PABPC4L: variants seen among roughly 807,000 people sequenced by gnomAD.
PABPC4L encodes the protein polyadenylate-binding protein 4-like.
For synonymous variants in PABPC4L, 169 were observed against 164.1 expected (o/e 1.03, Z -0.23); for missense variants, 452 against 451.4 (o/e 1.00, Z -0.01).
At position 134,197,427 on chromosome 4, in the gene PABPC4L, T is replaced by C. The variant is rs1729696527; in HGVS notation, c.*2480A>G. 1 of 151,706 alleles carries C rather than the reference T, an allele frequency of 6.6e-6. No individual in the cohort carries two copies. Among genetic ancestry groups the C allele is most frequent in the African/African-American group, 2.4e-5 (1 of 41,420 alleles). The allele number at this position is 151,706 out of a possible 1,614,324, so 9.4% of individuals were successfully genotyped here. A position where few individuals can be genotyped will look rare whatever the true frequency, so the allele number is the denominator to read the frequency against. Reference sequence around the variant, plus strand: ...GTATATATATTTGTGTGAATATATGTATTTAAAGTGTTCAAAATATTTTGA... The same window carrying C: ...GTATATATATTTGTGTGAATATATGCATTTAAAGTGTTCAAAATATTTTGA... On this transcript the variant is annotated 3_prime_UTR_variant, in exon 2 of 2. Transcript: ENST00000421491.
In PABPC4L at chr4:134,199,839, T is replaced by G. The variant is rs79763420; in HGVS notation, c.*68A>C. 649 of 1,509,504 alleles carry G rather than the reference T, an allele frequency of 4.3e-4. 4 individuals are homozygous for G. The East Asian group carries it at 0.015, about 34-fold the overall frequency. The allele number at this position is 1,509,504 out of a possible 1,614,324, so 93.5% of individuals were successfully genotyped here. A position where few individuals can be genotyped will look rare whatever the true frequency, so the allele number is the denominator to read the frequency against. ...GAATATGAAATTTACTGAGGTCAAT[T>G]CAGGCAGAGATCACTATCATTCTCC... On this transcript the variant is annotated 3_prime_UTR_variant, in exon 2 of 2. Coordinates refer to ENST00000421491, the MANE Select transcript of PABPC4L (RefSeq NM_001114734.2).
the PABPC4L span, among the ~76,000 whole-genome samples, chr4:134,139,215 GA>G: frequency 6.6e-6 from 1 of 151,880 alleles, no homozygotes; most frequent in Non-Finnish European, 1.5e-5. Context: ...CCCTAACCTT[GA>G]AGTGATATGT....
chr4:134,166,744 C>A, the PABPC4L span, among the ~76,000 whole-genome samples: 1 of 152,328 alleles, frequency 6.6e-6, no homozygotes, highest in South Asian at 2.1e-4. Context: ...CCTTCCTATT[C>A]ATTCCAGAGG....
chr4:134,101,543 GA>G, the PABPC4L span, among the ~76,000 whole-genome samples: 33 of 145,460 alleles, frequency 2.3e-4, no homozygotes, highest in East Asian at 1.4e-3. Flanking sequence ...AAAATATACA[GA>G]AAAAAAAAAG....
chr4:134,131,938 C>T, the PABPC4L span, among the ~76,000 whole-genome samples: 35 of 151,946 alleles, frequency 2.3e-4, no homozygotes, highest in African/African-American at 8.4e-4. Flanking sequence ...TCATCTTCAA[C>T]AAAGCAAACA....
the PABPC4L span, among the ~76,000 whole-genome samples, chr4:134,046,562 C>T: frequency 6.6e-6 from 1 of 152,024 alleles, no homozygotes; most frequent in African/African-American, 2.4e-5. Context: ...AGCACAGACC[C>T]CTTACGGGTA....
the PABPC4L span, among the ~76,000 whole-genome samples, chr4:134,186,078 A>G: frequency 1.3e-5 from 2 of 152,054 alleles, no homozygotes; most frequent in Non-Finnish European, 2.9e-5. Flanking sequence ...TCATGGATAA[A>G]AAGAATCAAT....
the PABPC4L span, among the ~76,000 whole-genome samples, chr4:134,127,665 C>T: frequency 6.5e-4 from 99 of 152,148 alleles, no homozygotes; most frequent in Middle Eastern, 3.4e-3. Flanking sequence ...CCTTGAGTCC[C>T]GGATCTTCCC....
chr4:134,171,649 A>G, the PABPC4L span, among the ~76,000 whole-genome samples: 1 of 152,158 alleles, frequency 6.6e-6, no homozygotes, highest in Admixed American at 6.6e-5. Context: ...TATTCAATAC[A>G]GTACTATAAG....
chr4:134,103,898 T>G, the PABPC4L span, among the ~76,000 whole-genome samples: 1 of 151,630 alleles, frequency 6.6e-6, no homozygotes, highest in Non-Finnish European at 1.5e-5. Flanking sequence ...CAGGTGCAAT[T>G]TGTCTATGAG....
At chr4:133,992,726 G>A in the PABPC4L span, among the ~76,000 whole-genome samples, 405 of 152,274 alleles carry the variant, frequency 2.7e-3, 4 homozygotes, top group South Asian at 0.015. Context: ...GATCAATACC[G>A]TATGCAAATT....
chr4:134,081,088 A>G, the PABPC4L span, among the ~76,000 whole-genome samples: 82 of 152,336 alleles, frequency 5.4e-4, no homozygotes, highest in Admixed American at 1.3e-3. Flanking sequence ...TATGTTCAGT[A>G]AAGCCTCAAA....
chr4:134,046,795 G>A, the PABPC4L span, among the ~76,000 whole-genome samples: 15 of 152,228 alleles, frequency 9.9e-5, no homozygotes, highest in Non-Finnish European at 1.9e-4. Flanking sequence ...ATCCTGCACA[G>A]CCCTAGATCC....
At chr4:134,055,394 C>T in the PABPC4L span, among the ~76,000 whole-genome samples, 2 of 151,760 alleles carry the variant, frequency 1.3e-5, no homozygotes, top group South Asian at 2.1e-4. Context: ...CTGAACTGCA[C>T]AGAGAAAAGG....
chr4:134,170,676 C>T, the PABPC4L span, among the ~76,000 whole-genome samples: 1 of 152,100 alleles, frequency 6.6e-6, no homozygotes, highest in Admixed American at 6.5e-5. Context: ...ATCATGAGAA[C>T]AGCACCAAGA....
chr4:134,089,420 G>C, the PABPC4L span, among the ~76,000 whole-genome samples: 1 of 151,972 alleles, frequency 6.6e-6, no homozygotes, highest in Admixed American at 6.6e-5. Flanking sequence ...AAAGTCCACA[G>C]TTTACATTAG....
chr4:133,956,461 A>G, the PABPC4L span, among the ~76,000 whole-genome samples: 1 of 152,190 alleles, frequency 6.6e-6, no homozygotes, highest in East Asian at 1.9e-4. Context: ...TTATCTCCTG[A>G]TAGGATTCAG....
the PABPC4L span, among the ~76,000 whole-genome samples, chr4:134,124,259 C>A: frequency 5.7e-4 from 86 of 152,072 alleles, no homozygotes; most frequent in Non-Finnish European, 9.1e-4. Flanking sequence ...TCCTTGAATG[C>A]AATTCTCTGC....
chr4:133,974,237 A>G, the PABPC4L span, among the ~76,000 whole-genome samples: 1 of 152,196 alleles, frequency 6.6e-6, no homozygotes, highest in Non-Finnish European at 1.5e-5. Flanking sequence ...CAACAACGGT[A>G]CCAAGACAAT....
Sources: gnomAD v4.1 joint callset for allele counts (sites outside exome capture counted in the v4.1 genomes callset) on GRCh38, gnomAD v4.1.1 for gene constraint, MANE v1.5 for transcripts, NCBI Gene and HGNC (gene_info 2026-07-23, HGNC 2026-07-21) for gene names.